Variants in GRK7 observed in about 807,000 individuals in gnomAD.
The protein encoded by GRK7 is rhodopsin kinase GRK7.
In GRK7, 24 loss-of-function variants were observed where a neutral mutation model predicts 34.1. The observed-to-expected ratio is 0.70, with a 90% CI of 0.51 to 0.99. The LOEUF (loss-of-function observed/expected upper bound fraction) is 0.99, where lower values mean the gene tolerates loss of function less well. Among genes scored for constraint, GRK7 ranks in the 50% least tolerant of loss-of-function variants. The pLI, the probability that GRK7 is intolerant of heterozygous loss-of-function variation, is 0.00. For synonymous variants in GRK7, 256 were observed against 279.4 expected (o/e 0.92, Z 0.84); for missense variants, 644 against 707.3 (o/e 0.91, Z 1.02).
intron 4 of GRK7, among the ~76,000 whole-genome samples, chr3:141,803,407 C>T (rs1032782429): frequency 6.7e-6 from 1 of 148,452 alleles, no homozygotes; most frequent in Non-Finnish European, 1.5e-5. Context: ...CTCCAGACGG[C>T]GACAGATGTC....
At chr3:141,776,352 C>T (rs1435788719) in intron 2 of GRK7, among the ~76,000 whole-genome samples, 2 of 152,026 alleles carry the variant, frequency 1.3e-5, no homozygotes, top group Non-Finnish European at 2.9e-5. Context: ...ATCAATGCTA[C>T]CGTTTTCTCA....
In GRK7 at chr3:141,768,271, C is replaced by T. The variant is rs1394215222; in HGVS notation, c.-215+2533C>T. ...TCTAACCTGGATCCTTCCTGTCAGC[C>T]TTTTTTTTTTTTTTTTGAGACGGAG... On this transcript the variant is annotated intron_variant, in intron 1 of 5. Coordinates refer to ENST00000682958, the MANE Select transcript of GRK7 (RefSeq NM_139209.3). Among the ~76,000 whole-genome samples, 4 of 137,914 alleles carry T rather than the reference C, an allele frequency of 2.9e-5. No homozygotes were observed. In the East Asian group the frequency reaches 8.5e-4, roughly 29 times the overall value. 90.5% of individuals were successfully genotyped at this position (137,914 alleles called of 152,430 possible). A position where few individuals can be genotyped will look rare whatever the true frequency, so the allele number is the denominator to read the frequency against.
chr3:141,753,785 C>T, the GRK7 span, among the ~76,000 whole-genome samples: 6 of 152,284 alleles, frequency 3.9e-5, no homozygotes, highest in East Asian at 1.2e-3. Flanking sequence ...ACACTAAGAG[C>T]ATATGAAGAT....
rs1051189112 is a variant in GRK7 at position 141,802,366 on chromosome 3, T to A, written c.1051-5279T>A. On this transcript the variant is annotated intron_variant, in intron 4 of 5. Transcript: ENST00000682958. ...GAAACTCTCTTTCTCTCTTTCTCTG[T>A]CACACACACACACACACACACACAC... 7.2e-4 allele frequency among the ~76,000 whole-genome samples: 105 copies of A among 145,676 alleles called. 1 individual carries two copies. The South Asian group carries it at 0.014, about 20-fold the overall frequency.
At position 141,764,855 on chromosome 3, in the gene GRK7, A is replaced by C. The variant is rs2084572649; in HGVS notation, c.-1098A>C. Among the ~76,000 whole-genome samples the C allele has an allele frequency of 6.6e-6, 1 of 152,144 alleles. No individual in the cohort carries two copies. The highest frequency in any genetic ancestry group is 2.4e-5 in the African/African-American group (1 of 41,428). ...TTCCCACCCTGTTTACCAGAAATTC[A>C]TCCTTCCAGTTACTCAGGCCCAAAA... On this transcript the variant is annotated 5_prime_UTR_variant, in exon 1 of 6. Transcript: ENST00000682958.
the GRK7 span, among the ~76,000 whole-genome samples, chr3:141,750,949 A>G: frequency 2.0e-5 from 3 of 151,996 alleles, no homozygotes; most frequent in Admixed American, 1.3e-4. Flanking sequence ...AGGCAGGAGG[A>G]TTGCTTGAGG....
intron 4 of GRK7, among the ~76,000 whole-genome samples, chr3:141,792,862 C>T (rs1213375850): frequency 6.6e-6 from 1 of 152,166 alleles, no homozygotes; most frequent in East Asian, 1.9e-4. Flanking sequence ...GGACTTTCAG[C>T]CTATCCCCCA....
At chr3:141,791,636 T>A (rs1272693358) in intron 4 of GRK7, among the ~76,000 whole-genome samples, 1 of 152,216 alleles carries the variant, frequency 6.6e-6, no homozygotes, top group Non-Finnish European at 1.5e-5. Context: ...AGGCATGCCT[T>A]TATTCACTCA....
At chr3:141,804,986 G>GCA (rs916251520) in intron 4 of GRK7, among the ~76,000 whole-genome samples, 1 of 140,650 alleles carries the variant, frequency 7.1e-6, no homozygotes, top group African/African-American at 2.6e-5. Context: ...ACACCCACTC[G>GCA]CACACACACA....
At chr3:141,799,136 G>A (rs1710923944) in intron 4 of GRK7, among the ~76,000 whole-genome samples, 2 of 152,152 alleles carry the variant, frequency 1.3e-5, no homozygotes, top group African/African-American at 4.8e-5. Flanking sequence ...GAATTCACTG[G>A]GATAAGGGGA....
At chr3:141,800,312 C>T (rs1710943937) in intron 4 of GRK7, among the ~76,000 whole-genome samples, 1 of 144,360 alleles carries the variant, frequency 6.9e-6, no homozygotes, top group African/African-American at 2.6e-5. Flanking sequence ...CTCCACATAG[C>T]TTATAGTCAG....
At chr3:141,816,516 A>T (rs1711154579) in intron 5 of GRK7, among the ~76,000 whole-genome samples, 198 bp from the exon 6 acceptor site, 1 of 152,212 alleles carries the variant, frequency 6.6e-6, no homozygotes, top group South Asian at 2.1e-4. Flanking sequence ...AAATAATGAG[A>T]ATGCTACTGT....
intron 2 of GRK7, among the ~76,000 whole-genome samples, chr3:141,774,949 T>C (rs2084632564): frequency 6.6e-6 from 1 of 152,060 alleles, no homozygotes. Context: ...TCCGCCACCA[T>C]GCCCAGCTTA....
Position 141,795,345 on chromosome 3 carries a change from C to A in GRK7, c.1051-12300C>A, listed in dbSNP as rs563572875. Among the ~76,000 whole-genome samples the A allele has an allele frequency of 1.5e-3, 229 of 152,246 alleles. 1 individual carries two copies. The highest frequency in any genetic ancestry group is 5.1e-3 in the African/African-American group (212 of 41,518). On this transcript the variant is annotated intron_variant, in intron 4 of 5. Coordinates refer to ENST00000682958, the MANE Select transcript of GRK7 (RefSeq NM_139209.3). ...GGCAGGGATACTGCCAAACATCTTACAATGAATAGCACAGCCCCCAACACA... is the reference window on the plus strand; with the variant it reads ...GGCAGGGATACTGCCAAACATCTTAAAATGAATAGCACAGCCCCCAACACA...
At chr3:141,776,148 G>A (rs1056887467) in intron 2 of GRK7, among the ~76,000 whole-genome samples, 31 of 152,056 alleles carry the variant, frequency 2.0e-4, no homozygotes, top group South Asian at 1.9e-3. Flanking sequence ...TTAGCCGGGC[G>A]CGGTGGCGGG....
At chr3:141,771,179 G>T (rs997621847) in intron 1 of GRK7, among the ~76,000 whole-genome samples, 6 of 152,144 alleles carry the variant, frequency 3.9e-5, no homozygotes, top group African/African-American at 1.2e-4. Context: ...TTCACCAATG[G>T]GTGACTGGGT....
intron 4 of GRK7, among the ~76,000 whole-genome samples, chr3:141,793,904 T>C (rs1000045189): frequency 6.6e-6 from 1 of 152,174 alleles, no homozygotes; most frequent in African/African-American, 2.4e-5. Context: ...TTTAATGTCA[T>C]ACTTCCCCAG....
intron 1 of GRK7, among the ~76,000 whole-genome samples, chr3:141,773,003 G>A (rs1002914611): frequency 1.3e-5 from 2 of 152,018 alleles, no homozygotes; most frequent in East Asian, 1.9e-4. Flanking sequence ...GGGTGCATTG[G>A]CATATGCCTG....
chr3:141,806,959 G>A (rs543119655), intron 4 of GRK7, among the ~76,000 whole-genome samples: 1 of 151,820 alleles, frequency 6.6e-6, no homozygotes, highest in African/African-American at 2.4e-5. Context: ...TATATATAAA[G>A]TGAATATGTA....
Sources: gnomAD v4.1 joint callset for allele counts (sites outside exome capture counted in the v4.1 genomes callset) on GRCh38, gnomAD v4.1.1 for gene constraint, MANE v1.5 for transcripts, NCBI Gene and HGNC (gene_info 2026-07-23, HGNC 2026-07-21) for gene names.